The following MTMR10 variants were observed in gnomAD, a reference collection of about 807,000 sequenced individuals.
MTMR10 encodes myotubularin-related protein 10.
Under a neutral mutation model 88.1 loss-of-function variants are expected in MTMR10, and 56 were observed. That is an observed-to-expected ratio of 0.64 (90% CI 0.51 to 0.79). The LOEUF (loss-of-function observed/expected upper bound fraction) is 0.79. Ranked by LOEUF, MTMR10 falls within the 30% of genes least tolerant of loss-of-function variation. The pLI is 0.00. For synonymous variants in MTMR10, 380 were observed against 340.9 expected, an observed-to-expected ratio of 1.11 and a Z score of -1.26; for missense variants, 883 against 924.7, an observed-to-expected ratio of 0.95 and a Z score of 0.58.
At chr15:30,958,192 C>T (rs2063353235) in intron 9 of MTMR10, among the ~76,000 whole-genome samples, 1 of 152,194 alleles carries the variant, frequency 6.6e-6, no homozygotes, top group African/African-American at 2.4e-5. Context: ...GGGGAAACTT[C>T]TTTAGGAAAA....
chr15:30,963,001 G>A (rs2063423401), intron 6 of MTMR10, among the ~76,000 whole-genome samples: 1 of 152,210 alleles, frequency 6.6e-6, no homozygotes, highest in Non-Finnish European at 1.5e-5. Context: ...TACAGCTAGA[G>A]CATAGGGATT....
At chr15:30,954,674 C>A in intron 10 of MTMR10, 89 bp downstream of exon 10, 2 of 1,256,822 alleles carry the variant, frequency 1.6e-6, no homozygotes, top group Non-Finnish European at 2.1e-6. Context: ...ATATCTATTT[C>A]TACATTTTTA....
At position 30,987,365 on chromosome 15, in the gene MTMR10, C is replaced by T. The variant is rs1411223452; in HGVS notation, c.121+3412G>A. 2.0e-5 allele frequency among the ~76,000 whole-genome samples: 3 copies of T among 152,204 alleles called. No individual in the cohort carries two copies. The East Asian group carries it at 5.8e-4, about 29-fold the overall frequency. On this transcript the variant is annotated intron_variant, in intron 2 of 15. Transcript: ENST00000435680. Reference sequence around the variant, plus strand: ...CAAGACCACAAAGTTGAAGTAGGCACAATACCCATCTCAGAGTTTCATGTA... The same window carrying T: ...CAAGACCACAAAGTTGAAGTAGGCATAATACCCATCTCAGAGTTTCATGTA...
the MTMR10 span, chr15:30,925,982 G>C: frequency 6.2e-7 from 1 of 1,604,740 alleles, no homozygotes; most frequent in Non-Finnish European, 8.5e-7. Flanking sequence ...GCCCCGGGTG[G>C]ACGAGCAGCA....
In MTMR10 at chr15:30,942,978, T is replaced by C. The variant is rs1278295282; in HGVS notation, c.1643A>G (p.Asp548Gly). The C allele has an allele frequency of 2.6e-6, 4 of 1,555,140 alleles. No individual in the cohort carries two copies. The highest frequency in any genetic ancestry group is 4.8e-5 in the East Asian group (2 of 41,636). The change falls in exon 15 of 16, where the codon GAT (aspartate) becomes GGT (glycine). Residue 548 changes from aspartate to glycine, a missense_variant. By Grantham distance (94) the Asp-to-Gly change is moderately conservative (BLOSUM62 -1). Transcript: ENST00000435680. ...GAAGGGGTTATGGAAAAGGGTGCGA[T>C]CCTTTGCTGTAAACTGGAGAGACCA... ...WDWSLQFTAKDRTLFHNPFYI... is the reference protein window; with the variant it reads ...WDWSLQFTAKGRTLFHNPFYI...
chr15:30,925,861 G>T, the MTMR10 span: 1 of 1,614,224 alleles, frequency 6.2e-7, no homozygotes, highest in Non-Finnish European at 8.5e-7. Flanking sequence ...GGCCGGGGAG[G>T]CCGCTGACCC....
intron 9 of MTMR10, among the ~76,000 whole-genome samples, chr15:30,958,328 G>T (rs1272567438): frequency 6.6e-6 from 1 of 152,242 alleles, no homozygotes; most frequent in East Asian, 1.9e-4. Context: ...AGGAGCAGAG[G>T]CTGAGGGCCC....
At chr15:30,926,992 CA>C in the MTMR10 span, 2 of 985,410 alleles carry the variant, frequency 2.0e-6, no homozygotes, top group Non-Finnish European at 2.4e-6. Context: ...ACTTATAACA[CA>C]AATGCACAGC....
chr15:30,969,700 T>C (rs1357825743), intron 5 of MTMR10, among the ~76,000 whole-genome samples: 1 of 152,164 alleles, frequency 6.6e-6, no homozygotes, highest in Admixed American at 6.5e-5. Context: ...TTCCCAGACA[T>C]CTGCATAACA....
chr15:30,967,825 C>G, intron 6 of MTMR10, 95 bp downstream of exon 6: 1 of 963,554 alleles, frequency 1.0e-6, no homozygotes, highest in Non-Finnish European at 1.5e-6. Context: ...ATTCTACAAT[C>G]ATTAAAGCTC....
At chr15:30,944,114 A>G (rs2063130960) in intron 14 of MTMR10, 1 of 699,264 alleles carries the variant, frequency 1.4e-6, no homozygotes, top group Admixed American at 6.3e-5. Flanking sequence ...GGAGGCCATG[A>G]CTACATCACA....
In MTMR10 at chr15:30,966,217, TAAG is replaced by T. The variant is rs1428736779; in HGVS notation, c.565+1700_565+1702del. On this transcript the variant is annotated intron_variant, in intron 6 of 15. Transcript: ENST00000435680. The stretch of plus-strand genomic sequence containing the variant: ...CATCAAATTTTATCAATAAGCTATA[TAAG>T]AAGAAATAGTGGAACTGAATGATGT... Among the ~76,000 whole-genome samples the T allele has an allele frequency of 5.3e-5, 8 of 152,298 alleles. No homozygotes were observed. The East Asian group carries it at 1.2e-3, about 22-fold the overall frequency.
the MTMR10 span, among the ~76,000 whole-genome samples, chr15:30,928,963 C>G: frequency 0.017 from 2,550 of 152,328 alleles, 72 homozygotes; most frequent in African/African-American, 0.059. Context: ...AGCTCACAGA[C>G]ATGGGCACAT....
intron 9 of MTMR10, 55 bp downstream of exon 9, chr15:30,958,808 G>A (rs558326647): frequency 4.0e-5 from 62 of 1,550,658 alleles, no homozygotes; most frequent in South Asian, 6.7e-5. Context: ...GGAACTCACT[G>A]TAGTTACACA....
chr15:30,947,412 A>G (rs1380861470), intron 13 of MTMR10, 112 bp from the exon 14 acceptor site: 19 of 1,247,396 alleles, frequency 1.5e-5, no homozygotes, highest in Non-Finnish European at 2.1e-5. Flanking sequence ...AAAACATCGA[A>G]GCCTAAAACA....
At chr15:30,934,511 C>G (rs2062800204), downstream of MTMR10, among the ~76,000 whole-genome samples, 1 of 152,096 alleles carries the variant, frequency 6.6e-6, no homozygotes, top group African/African-American at 2.4e-5. Flanking sequence ...GTAGCTGGAA[C>G]CACAGGTGCA....
chr15:30,922,359 T>C, the MTMR10 span: 1 of 1,595,014 alleles, frequency 6.3e-7, no homozygotes, highest in Non-Finnish European at 8.5e-7. Flanking sequence ...GAACCGGTAC[T>C]CAGTAACAAA....
chr15:30,926,571 T>C, the MTMR10 span: 1 of 967,694 alleles, frequency 1.0e-6, no homozygotes, highest in Non-Finnish European at 1.2e-6. Flanking sequence ...CTGATGAGTG[T>C]TGAGATTCAT....
chr15:30,968,054 G>C, intron 5 of MTMR10, 44 bp from the exon 6 acceptor site: 1 of 1,398,574 alleles, frequency 7.2e-7, no homozygotes, highest in Middle Eastern at 1.8e-4. Flanking sequence ...AACACACTTA[G>C]TTAAATGAAA....
Sources: gnomAD v4.1 joint callset for allele counts (sites outside exome capture counted in the v4.1 genomes callset) on GRCh38, gnomAD v4.1.1 for gene constraint, MANE v1.5 for transcripts, NCBI Gene and HGNC (gene_info 2026-07-23, HGNC 2026-07-21) for gene names.